The following CD47 variants were observed in gnomAD, a reference collection of about 807,000 sequenced individuals.
CD47 encodes the protein CD47 molecule.
Under a neutral mutation model 44.6 loss-of-function variants are expected in CD47, and 11 were observed. The observed-to-expected ratio is 0.25, with a 90% CI of 0.16 to 0.41. The LOEUF is 0.41. Among genes scored for constraint, CD47 ranks in the 10% least tolerant of loss-of-function variants. CD47 has a pLI of 1.00. For missense variants in CD47, 306 were observed against 386.7 expected (o/e 0.79, Z 1.75); for synonymous variants, 140 against 136.3 (o/e 1.03, Z -0.19).
At position 108,090,922 on chromosome 3, in the gene CD47, GC is replaced by G; in HGVS notation, c.-15del. The G allele has an allele frequency of 1.4e-6, 2 of 1,468,906 alleles. No individual in the cohort carries two copies. Among genetic ancestry groups the G allele is most frequent in the South Asian group, 1.3e-5 (1 of 78,048 alleles). 91.0% of individuals were successfully genotyped at this position (1,468,906 alleles called of 1,614,324 possible). ...CAGGGGCCACATCTCCGCGCCCGCCGCGGGGTCGCCGCCGCCGCCGCAGGTG... is the reference window on the plus strand; with the variant it reads ...CAGGGGCCACATCTCCGCGCCCGCCGGGGGTCGCCGCCGCCGCCGCAGGTG... On this transcript the variant is annotated 5_prime_UTR_variant, in exon 1 of 11. Transcript: ENST00000361309.
At chr3:108,054,515 T>G (rs1042164943) in intron 7 of CD47, 1 of 152,254 alleles carries the variant, frequency 6.6e-6, no homozygotes, top group East Asian at 1.9e-4. Flanking sequence ...CGATTTCTGC[T>G]GCTACCATGA....
intron 8 of CD47, chr3:108,050,951 A>G: frequency 7.4e-6 from 2 of 271,536 alleles, no homozygotes; most frequent in Non-Finnish European, 1.5e-5. Context: ...AGGTGGAAGC[A>G]AAACAGAATC....
At chr3:108,063,136 T>C (rs1309998087) in intron 3 of CD47, among the ~76,000 whole-genome samples, 1 of 152,212 alleles carries the variant, frequency 6.6e-6, no homozygotes, top group Non-Finnish European at 1.5e-5. Flanking sequence ...TGAGTATAAG[T>C]ACACTATATA....
chr3:108,084,918 G>T (rs1223906216), intron 1 of CD47, among the ~76,000 whole-genome samples: 1 of 151,944 alleles, frequency 6.6e-6, no homozygotes, highest in African/African-American at 2.4e-5. Context: ...CATCCTCAAG[G>T]TTTCTCCATC....
chr3:108,060,716 C>A, intron 4 of CD47, 29 bp downstream of exon 4: 1 of 1,440,838 alleles, frequency 6.9e-7, no homozygotes, highest in Middle Eastern at 1.7e-4. Flanking sequence ...CTACCTCCTG[C>A]GTTCCTGCCT....
At chr3:108,078,879 A>C (rs1028545164) in intron 2 of CD47, among the ~76,000 whole-genome samples, 1 of 152,196 alleles carries the variant, frequency 6.6e-6, no homozygotes, top group Admixed American at 6.5e-5. Flanking sequence ...TAGACTGTAG[A>C]ATACATAAAA....
In CD47 at chr3:108,089,309, C is replaced by T. The variant is rs561351658; in HGVS notation, c.46+1554G>A. On this transcript the variant is annotated intron_variant, in intron 1 of 10. Coordinates refer to ENST00000361309, the MANE Select transcript of CD47 (RefSeq NM_001777.4). ...CGAACACATTAAAATTGTGTGTAAA[C>T]GAGTGCTAATTACATGATATTAACT... Among the ~76,000 whole-genome samples the T allele has an allele frequency of 7.8e-4, 118 of 152,114 alleles. 1 individual carries two copies. Among genetic ancestry groups the T allele is most frequent in the African/African-American group, 2.7e-3 (114 of 41,490 alleles).
chr3:108,090,945 G>A lies in CD47; in HGVS notation c.-37C>T, dbSNP rs1376127980. The A allele has an allele frequency of 3.5e-6, 5 of 1,433,570 alleles. No individual in the cohort carries two copies. Among genetic ancestry groups the A allele is most frequent in the Non-Finnish European group, 4.6e-6 (5 of 1,088,656 alleles). The allele number at this position is 1,433,570 out of a possible 1,614,324, so 88.8% of individuals were successfully genotyped here. A position where few individuals can be genotyped will look rare whatever the true frequency, so the allele number is the denominator to read the frequency against. On this transcript the variant is annotated 5_prime_UTR_variant, in exon 1 of 11. Coordinates refer to ENST00000361309, the MANE Select transcript of CD47 (RefSeq NM_001777.4). Reference sequence around the variant, plus strand: ...CCGCGGGGTCGCCGCCGCCGCCGCAGGTGTCCGGAGCAGCAGCCGCCGCCG... The same window carrying A: ...CCGCGGGGTCGCCGCCGCCGCCGCAAGTGTCCGGAGCAGCAGCCGCCGCCG...
intron 3 of CD47, among the ~76,000 whole-genome samples, chr3:108,062,875 C>T (rs1419492704): frequency 6.7e-6 from 1 of 149,832 alleles, no homozygotes; most frequent in African/African-American, 2.5e-5. Flanking sequence ...AGGCTGATCT[C>T]GAGCTCCTTA....
At position 108,043,856 on chromosome 3, in the gene CD47, A is replaced by G. The variant is rs948345696; in HGVS notation, c.*3432T>C. 2.0e-5 allele frequency: 3 copies of G among 152,616 alleles called. No homozygotes were observed. The highest frequency in any genetic ancestry group is 7.2e-5 in the African/African-American group (3 of 41,454). The allele number at this position is 152,616 out of a possible 1,614,324, so 9.5% of individuals were successfully genotyped here. ...AACTGTCAAAGCTAAAGGCAGAAAAACTGCCTGGTCACTCACTGCTCATCT... is the reference window on the plus strand; with the variant it reads ...AACTGTCAAAGCTAAAGGCAGAAAAGCTGCCTGGTCACTCACTGCTCATCT... On this transcript the variant is annotated 3_prime_UTR_variant, in exon 11 of 11. Transcript: ENST00000361309.
intron 5 of CD47, 146 bp from the exon 6 acceptor site, chr3:108,058,575 T>C: frequency 1.9e-6 from 1 of 522,884 alleles, no homozygotes; most frequent in South Asian, 2.7e-5. Flanking sequence ...GTTAACTCAG[T>C]GATCTAACCC....
chr3:108,081,749 A>G (rs982833090), intron 1 of CD47, among the ~76,000 whole-genome samples: 1 of 152,012 alleles, frequency 6.6e-6, no homozygotes, highest in South Asian at 2.1e-4. Context: ...TGGAAAACAT[A>G]GCGGCAAGTG....
intron 2 of CD47, among the ~76,000 whole-genome samples, chr3:108,075,193 A>T (rs1449292791): frequency 6.6e-6 from 1 of 152,200 alleles, no homozygotes; most frequent in East Asian, 1.9e-4. Flanking sequence ...CTCTCCTCCA[A>T]TTCCTGGACA....
At chr3:108,060,573 C>T (rs1050057121) in intron 4 of CD47, among the ~76,000 whole-genome samples, 172 bp downstream of exon 4, 1 of 152,142 alleles carries the variant, frequency 6.6e-6, no homozygotes, top group Non-Finnish European at 1.5e-5. Flanking sequence ...GCCCTGATGA[C>T]GTCCTGATTT....
chr3:108,090,413 A>G (rs953898696), intron 1 of CD47, among the ~76,000 whole-genome samples: 3 of 152,210 alleles, frequency 2.0e-5, no homozygotes, highest in African/African-American at 7.2e-5. Context: ...TTCCATCGCA[A>G]GAGGCCCGGG....
chr3:108,078,412 T>C (rs1560026077), intron 2 of CD47, among the ~76,000 whole-genome samples: 1 of 151,988 alleles, frequency 6.6e-6, no homozygotes, highest in Non-Finnish European at 1.5e-5. Flanking sequence ...GCCTTTCAAA[T>C]CTCATATTTT....
chr3:108,076,440 A>G (rs2079312656), intron 2 of CD47, among the ~76,000 whole-genome samples: 1 of 152,218 alleles, frequency 6.6e-6, no homozygotes, highest in Non-Finnish European at 1.5e-5. Flanking sequence ...TATGATTACT[A>G]GTATTTGCAT....
At chr3:108,050,481 A>G in intron 9 of CD47, 97 bp downstream of exon 9, 1 of 677,814 alleles carries the variant, frequency 1.5e-6, no homozygotes, top group Admixed American at 2.8e-5. Flanking sequence ...AAAAAAACCT[A>G]GATTCTTCCT....
Position 108,043,426 on chromosome 3 carries a change from T to C in CD47, c.*3862A>G, listed in dbSNP as rs1394005705. 6.6e-6 allele frequency: 1 copy of C among 152,180 alleles called. No homozygotes were observed. The highest frequency in any genetic ancestry group is 1.9e-4 in the East Asian group (1 of 5,200). 9.4% of individuals were successfully genotyped at this position (152,180 alleles called of 1,614,324 possible). A position where few individuals can be genotyped will look rare whatever the true frequency, so the allele number is the denominator to read the frequency against. ...ATTCAAAGCTTTAAACAGTGATAAA[T>C]TGATTTAATACATATAAAAAAAAAA... On this transcript the variant is annotated 3_prime_UTR_variant, in exon 11 of 11. Coordinates refer to ENST00000361309, the MANE Select transcript of CD47 (RefSeq NM_001777.4).
Sources: gnomAD v4.1 joint callset for allele counts (sites outside exome capture counted in the v4.1 genomes callset) on GRCh38, gnomAD v4.1.1 for gene constraint, MANE v1.5 for transcripts, NCBI Gene and HGNC (gene_info 2026-07-23, HGNC 2026-07-21) for gene names.